WDR45B: variants seen among roughly 807,000 people sequenced by gnomAD.
WDR45B encodes WD repeat domain 45B.
A neutral mutation model predicts 44.6 loss-of-function variants in WDR45B; 20 were observed. The observed-to-expected ratio is 0.45, with a 90% CI of 0.32 to 0.65. WDR45B has a LOEUF of 0.65. Among genes scored for constraint, WDR45B ranks in the 30% least tolerant of loss-of-function variants. The pLI is 0.05. For synonymous variants in WDR45B, 169 were observed against 164.9 expected, an observed-to-expected ratio of 1.02 and a Z score of -0.19; for missense variants, 323 against 430.2, an observed-to-expected ratio of 0.75 and a Z score of 2.20.
intron 2 of WDR45B, chr17:82,636,707 A>C (rs1211764244): frequency 6.6e-6 from 1 of 151,986 alleles, no homozygotes; most frequent in Non-Finnish European, 1.5e-5. Context: ...TAACTTCCTT[A>C]TCCTTTGTTC....
chr17:82,628,060 T>C (rs2045721669), intron 3 of WDR45B, among the ~76,000 whole-genome samples: 1 of 152,112 alleles, frequency 6.6e-6, no homozygotes, highest in Non-Finnish European at 1.5e-5. Flanking sequence ...TGGCGCAATC[T>C]TGGCTCACTA....
intron 1 of WDR45B, among the ~76,000 whole-genome samples, chr17:82,645,087 G>A (rs145214003): frequency 0.02 from 3,067 of 152,268 alleles, 62 homozygotes; most frequent in Non-Finnish European, 0.031. Context: ...CCTGAGATCA[G>A]GAGTTCGAGA....
At chr17:82,624,303 C>A (rs986723705) in intron 5 of WDR45B, among the ~76,000 whole-genome samples, 1 of 152,238 alleles carries the variant, frequency 6.6e-6, no homozygotes, top group African/African-American at 2.4e-5. Flanking sequence ...ACTCTGTCGC[C>A]CAGGCGGGAG....
chr17:82,626,933 C>G, intron 4 of WDR45B: 1 of 517,472 alleles, frequency 1.9e-6, no homozygotes, highest in Non-Finnish European at 3.5e-6. Context: ...ACATAACTCA[C>G]CACGGTGAGA....
chr17:82,648,211 G>A (rs2046007200), intron 1 of WDR45B, 63 bp downstream of exon 1: 3 of 1,552,408 alleles, frequency 1.9e-6, no homozygotes, highest in Admixed American at 1.8e-5. Context: ...AGGCCTGAGA[G>A]CCGGGGACCC....
chr17:82,621,702 C>T lies in WDR45B; in HGVS notation c.525G>A (p.Glu175=). 6.2e-7 allele frequency: 1 copy of T among 1,614,182 alleles called. No homozygotes were observed. Among genetic ancestry groups the T allele is most frequent in the South Asian group, 1.1e-5 (1 of 91,074 alleles). ...HVQLVDLAST[E]KPPVDIPAHE... ...GTGCAGGAATGTCCACGGGTGGCTT[C>T]TCCGTGCTGGCCAGGTCCACAAGCT... The change falls in exon 6 of 10, where the codon GAG becomes GAA. Residue 175 remains glutamate, a synonymous_variant. Coordinates refer to ENST00000392325, the MANE Select transcript of WDR45B (RefSeq NM_019613.4).
intron 3 of WDR45B, among the ~76,000 whole-genome samples, chr17:82,628,828 C>T (rs912243894): frequency 3.3e-5 from 5 of 151,920 alleles, no homozygotes; most frequent in Non-Finnish European, 7.4e-5. Context: ...GTGGAAACGC[C>T]GTCTCTACTA....
At chr17:82,641,027 G>A (rs1247258029) in intron 2 of WDR45B, among the ~76,000 whole-genome samples, 4 of 145,332 alleles carry the variant, frequency 2.8e-5, no homozygotes, top group African/African-American at 5.1e-5. Context: ...GTGCAGTGGC[G>A]CAATCTCGGC....
In WDR45B at chr17:82,648,307, C is replaced by G. The variant is rs200777817; in HGVS notation, c.34G>C (p.Gly12Arg). The change falls in exon 1 of 10, where the codon GGG (glycine) becomes CGG (arginine). Residue 12 changes from glycine (G) to arginine (R), a missense_variant. Transcript: ENST00000392325. The part of the protein sequence containing the change: ...NLLPCNPHGN[G>R]LLYAGFNQDH... ...TGGTTGAAGCCGGCGTAGAGCAGCC[C>G]GTTGCCGTGAGGGTTACACGGCAGG... The G allele has an allele frequency of 1.2e-6, 2 of 1,607,026 alleles. No homozygotes were observed. Among genetic ancestry groups the G allele is most frequent in the Middle Eastern group, 2.0e-4 (1 of 4,952 alleles).
rs533037720 is a variant in WDR45B at position 82,623,477 on chromosome 17, G to A, written c.428-1678C>T. Among the ~76,000 whole-genome samples the A allele has an allele frequency of 1.8e-3, 275 of 151,600 alleles. 1 individual carries two copies. The highest frequency in any genetic ancestry group is 3.0e-3 in the Non-Finnish European group (203 of 67,926). On this transcript the variant is annotated intron_variant, in intron 5 of 9. Coordinates refer to ENST00000392325, the MANE Select transcript of WDR45B (RefSeq NM_019613.4). ...AGCACTTTGGGAGGCCGAGGCAGGT[G>A]GATCACGAGGTCAGGAGATCAAGAC...
intron 2 of WDR45B, among the ~76,000 whole-genome samples, chr17:82,637,366 C>G (rs1474994302): frequency 2.6e-5 from 4 of 151,898 alleles, no homozygotes; most frequent in African/African-American, 9.7e-5. Context: ...GAGAAAAACC[C>G]TCTCCTCTAA....
chr17:82,635,721 C>T (rs1212973186), intron 2 of WDR45B, among the ~76,000 whole-genome samples: 3 of 151,934 alleles, frequency 2.0e-5, no homozygotes, highest in Admixed American at 2.0e-4. Flanking sequence ...CTGTGCGCAG[C>T]CGTCTTTTCA....
chr17:82,629,144 T>C lies in WDR45B; in HGVS notation c.244+1777A>G, dbSNP rs181539530. On this transcript the variant is annotated intron_variant, in intron 3 of 9. Transcript: ENST00000392325. Reference sequence around the variant, plus strand: ...TAAGGCTTTTTCACCTCTTAGAAACTTTATAATGAGAATGAGACCTGAGAT... The same window carrying C: ...TAAGGCTTTTTCACCTCTTAGAAACCTTATAATGAGAATGAGACCTGAGAT... 4.0e-4 allele frequency among the ~76,000 whole-genome samples: 61 copies of C among 152,390 alleles called. No homozygotes were observed. In the East Asian group the frequency reaches 0.011, roughly 28 times the overall value.
chr17:82,617,172 C>T, intron 8 of WDR45B, 124 bp downstream of exon 8: 2 of 838,444 alleles, frequency 2.4e-6, no homozygotes, highest in South Asian at 2.9e-5. Context: ...GATTTCAGCG[C>T]TGATAGCATA....
chr17:82,631,021 T>A lies in WDR45B; in HGVS notation c.144A>T (p.Glu48Asp). ...CATGGCCAACTCCTCCTTCTAGAAA[T>A]TCTGAAATGATAGTTTTAAAAAGAC... ...TDPLKEKEKQ[E>D]FLEGGVGHVE... Residue 48 changes from glutamate to aspartate, a missense_variant and splice_region_variant, in exon 3 of 10, where the codon GAA becomes GAT. Glu to Asp is a conservative substitution (Grantham distance 45). Transcript: ENST00000392325. 1 of 1,613,362 alleles carries A rather than the reference T, an allele frequency of 6.2e-7. No individual in the cohort carries two copies. The highest frequency in any genetic ancestry group is 8.5e-7 in the Non-Finnish European group (1 of 1,179,454).
intron 5 of WDR45B, among the ~76,000 whole-genome samples, chr17:82,622,293 G>A (rs546133032): frequency 2.0e-5 from 3 of 152,324 alleles, no homozygotes; most frequent in Non-Finnish European, 2.9e-5. Flanking sequence ...TCTTGTGATC[G>A]TGGGCTGGAA....
intron 9 of WDR45B, 141 bp downstream of exon 9, chr17:82,616,383 A>G: frequency 7.4e-7 from 1 of 1,357,050 alleles, no homozygotes; most frequent in South Asian, 1.2e-5. Context: ...CACTGAGCCC[A>G]CAGGAGAAAT....
chr17:82,624,582 C>T (rs997050342), intron 5 of WDR45B, among the ~76,000 whole-genome samples: 43 of 145,094 alleles, frequency 3.0e-4, no homozygotes, highest in African/African-American at 9.2e-4. Flanking sequence ...TTGACTGTGA[C>T]GGTGGCTACA....
At chr17:82,644,926 C>T (rs917612359) in intron 1 of WDR45B, among the ~76,000 whole-genome samples, 1 of 152,118 alleles carries the variant, frequency 6.6e-6, no homozygotes, top group African/African-American at 2.4e-5. Context: ...TTTGGGAGAC[C>T]GAGGTGGGCG....
Sources: gnomAD v4.1 joint callset for allele counts (sites outside exome capture counted in the v4.1 genomes callset) on GRCh38, gnomAD v4.1.1 for gene constraint, MANE v1.5 for transcripts, NCBI Gene and HGNC (gene_info 2026-07-23, HGNC 2026-07-21) for gene names.